E4F1: variants seen among roughly 807,000 people sequenced by gnomAD.
The protein encoded by E4F1 is transcription factor E4F1.
Under a neutral mutation model 72.9 loss-of-function variants are expected in E4F1, and 30 were observed. That is an observed-to-expected ratio of 0.41 (90% CI 0.31 to 0.56). The LOEUF (loss-of-function observed/expected upper bound fraction) is 0.56. Among genes scored for constraint, E4F1 ranks in the 20% least tolerant of loss-of-function variants. The probability of loss-of-function intolerance (pLI) is 0.25; values close to 1 mark genes in which losing one functional copy is unlikely to be tolerated. For missense variants in E4F1, 1,091 were observed against 1,117.5 expected (o/e 0.98, Z 0.34); for synonymous variants, 542 against 478.2 (o/e 1.13, Z -1.74).
chr16:2,234,989 G>A lies in E4F1; in HGVS notation c.1923G>A (p.Glu641=), dbSNP rs750543799. 5 of 1,610,010 alleles carry A rather than the reference G, an allele frequency of 3.1e-6. No individual in the cohort carries two copies. Among genetic ancestry groups the A allele is most frequent in the Non-Finnish European group, 3.4e-6 (4 of 1,178,722 alleles). The change falls in exon 12 of 14, where the codon GAG becomes GAA. Residue 641 remains glutamate, a synonymous_variant. Transcript: ENST00000301727. The part of the protein sequence containing the change: ...EFSSVVADTQ[E]YIIEATADDA... ...CGTCCGTGGTAGCTGACACCCAGGAGTATATCATCGAGGTGGGTGTGGGGC... is the reference window on the plus strand; with the variant it reads ...CGTCCGTGGTAGCTGACACCCAGGAATATATCATCGAGGTGGGTGTGGGGC...
intron 3 of E4F1, chr16:2,231,216 T>C (rs1032788011): frequency 5.3e-5 from 8 of 152,250 alleles, no homozygotes; most frequent in Admixed American, 3.9e-4. Flanking sequence ...GGTGCAGGGG[T>C]GCGGTCAGCT....
chr16:2,235,389 C>CA lies in E4F1; in HGVS notation c.2173dup (p.Met725AsnfsTer23). On this transcript the variant is annotated frameshift_variant, in exon 14 of 14. Transcript: ENST00000301727. LOFTEE classifies it high-confidence loss of function. ...CCGAGAGCCTGACAGAGCAGGTGGC[C>CA]ATGACGCTGGCCTCGGCCATCAGCG... 1 of 1,611,238 alleles carries CA rather than the reference C, an allele frequency of 6.2e-7. No individual in the cohort carries two copies. The highest frequency in any genetic ancestry group is 2.2e-5 in the East Asian group (1 of 44,878).
At position 2,228,329 on chromosome 16, in the gene E4F1, G is replaced by A. The variant is rs767715963; in HGVS notation, c.158-43G>A. The A allele has an allele frequency of 3.1e-6, 5 of 1,612,080 alleles. No individual in the cohort carries two copies. The South Asian group carries it at 4.4e-5, about 14-fold the overall frequency. On this transcript the variant is annotated intron_variant, in intron 1 of 13. Coordinates refer to ENST00000301727, the MANE Select transcript of E4F1 (RefSeq NM_004424.5). ...AGCCAGACGGAGCCCTGGCTGCCCA[G>A]CCTCCGCCTTCCCAGGCCCTGCTGA... is the stretch of plus-strand genomic sequence containing the variant.
chr16:2,233,292 G>A, intron 7 of E4F1, 109 bp downstream of exon 7: 1 of 1,476,018 alleles, frequency 6.8e-7, no homozygotes, highest in Non-Finnish European at 9.0e-7. Context: ...GGCGAGGGCT[G>A]GGCTTCCCAC....
At position 2,233,232 on chromosome 16, in the gene E4F1, C is replaced by T. The variant is rs756713317; in HGVS notation, c.1056+49C>T. On this transcript the variant is annotated intron_variant, in intron 7 of 13. Coordinates refer to ENST00000301727, the MANE Select transcript of E4F1 (RefSeq NM_004424.5). ...AGGGCTGCTCTGTCTTCTGCCTGCTCGGTGCCAGTCTTTGTTCTGGGCACT... is the reference window on the plus strand; with the variant it reads ...AGGGCTGCTCTGTCTTCTGCCTGCTTGGTGCCAGTCTTTGTTCTGGGCACT... 6.2e-5 allele frequency: 96 copies of T among 1,547,492 alleles called. No individual in the cohort carries two copies. The Admixed American group carries it at 1.1e-3, about 17-fold the overall frequency.
intron 3 of E4F1, 43 bp from the exon 4 acceptor site, chr16:2,232,128 A>T: frequency 6.2e-7 from 1 of 1,600,550 alleles, no homozygotes; most frequent in Non-Finnish European, 8.5e-7. Flanking sequence ...GGGTCTCTGG[A>T]CAGGGGCAGG....
chr16:2,228,384 T>C lies in E4F1; in HGVS notation c.170T>C (p.Val57Ala). Residue 57 changes from valine (V) to alanine (A), a missense_variant, in exon 2 of 14, where the codon GTG becomes GCG. By Grantham distance (64) the Val-to-Ala change is moderately conservative. This residue lies in a region of E4F1 where 362 missense variants were observed against 358.6 expected (regional missense o/e 1.01). Transcript: ENST00000301727. ...APFSEEDEDDVHRCGRCQAEF... is the reference protein window; with the variant it reads ...APFSEEDEDDAHRCGRCQAEF... ...AGGCTCGTTGCAGATGAGGACGATG[T>C]GCACAGATGCGGCCGCTGCCAGGCA... is the stretch of plus-strand genomic sequence containing the variant. 3 of 1,613,814 alleles carry C rather than the reference T, an allele frequency of 1.9e-6. No homozygotes were observed. The highest frequency in any genetic ancestry group is 2.5e-6 in the Non-Finnish European group (3 of 1,180,026).
rs1399480904 is a variant in E4F1, at chr16:2,223,692, G to A, written c.79G>A (p.Glu27Lys). 6.3e-7 allele frequency: 1 copy of A among 1,576,050 alleles called. No homozygotes were observed. The highest frequency in any genetic ancestry group is 8.5e-7 in the Non-Finnish European group (1 of 1,169,684). Reference sequence around the variant, plus strand: ...GGCCGAAGCCGGGCGGGAAGCGGGCGAGGGTGCAGTTGCGGCGGTGGCGGC... The same window carrying A: ...GGCCGAAGCCGGGCGGGAAGCGGGCAAGGGTGCAGTTGCGGCGGTGGCGGC... ...AQAEAGREAG[E>K]GAVAAVAAAL... is the part of the protein sequence containing the mutation. The change falls in exon 1 of 14, where the codon GAG becomes AAG. Residue 27 changes from glutamate to lysine, a missense_variant. Physicochemically the swap from Glu to Lys is moderately conservative, Grantham distance 56 (BLOSUM62 1). Around this residue, in one of 5 missense-constraint regions of E4F1, gnomAD observed 362 missense variants for 358.6 expected, o/e 1.01. Transcript: ENST00000301727.
chr16:2,228,702 G>A lies in E4F1; in HGVS notation c.309+179G>A, dbSNP rs146861908. Among the ~76,000 whole-genome samples, 1,055 of 152,326 alleles carry A rather than the reference G, an allele frequency of 6.9e-3. 12 individuals carry two copies. Among genetic ancestry groups the A allele is most frequent in the African/African-American group, 0.024 (984 of 41,572 alleles). On this transcript the variant is annotated intron_variant, in intron 2 of 13. Transcript: ENST00000301727. ...GTGTGAGCCTGTGGTGCTCTGGGGCGTCCTGGAGGGCCTGCGGTGGCCCAG... is the reference window on the plus strand; with the variant it reads ...GTGTGAGCCTGTGGTGCTCTGGGGCATCCTGGAGGGCCTGCGGTGGCCCAG...
chr16:2,227,966 A>G (rs949098020), intron 1 of E4F1, among the ~76,000 whole-genome samples: 4 of 151,334 alleles, frequency 2.6e-5, no homozygotes, highest in African/African-American at 9.7e-5. Flanking sequence ...GCCCGGCCCC[A>G]GCAGTCTTAA....
chr16:2,233,256 C>T (rs1176140971), intron 7 of E4F1, 73 bp downstream of exon 7: 3 of 1,527,166 alleles, frequency 2.0e-6, no homozygotes, highest in Admixed American at 2.0e-5. Context: ...GTTCTGGGCA[C>T]TGGCTCCAGG....
chr16:2,223,930 G>T, intron 1 of E4F1, 160 bp downstream of exon 1: 1 of 1,529,568 alleles, frequency 6.5e-7, no homozygotes, highest in Non-Finnish European at 8.7e-7. Context: ...AAACCCCCAG[G>T]TTTGCTGCGA....
intron 1 of E4F1, among the ~76,000 whole-genome samples, chr16:2,228,056 C>T (rs1250174851): frequency 3.3e-5 from 5 of 152,202 alleles, no homozygotes; most frequent in Non-Finnish European, 7.3e-5. Context: ...TCTCGCCTGT[C>T]AGTCGCTGAG....
chr16:2,229,767 C>A, intron 3 of E4F1, 92 bp downstream of exon 3: 2 of 1,394,910 alleles, frequency 1.4e-6, no homozygotes, highest in South Asian at 2.4e-5. Flanking sequence ...TCGTCTCTCC[C>A]GAGACCAGGG....
rs765107376 is a variant in E4F1 at position 2,235,073 on chromosome 16, C to A, written c.1936-8C>A. 1.2e-6 allele frequency: 2 copies of A among 1,612,486 alleles called. No homozygotes were observed. The highest frequency in any genetic ancestry group is 2.2e-5 in the South Asian group (2 of 91,068). On this transcript the variant is annotated splice_polypyrimidine_tract_variant and splice_region_variant and intron_variant, in intron 12 of 13. Transcript: ENST00000301727. ...GGCTGACCTCTGTCCTTCTGCCCATCTGCCCAGGCCACTGCGGACGATGCG... is the reference window on the plus strand; with the variant it reads ...GGCTGACCTCTGTCCTTCTGCCCATATGCCCAGGCCACTGCGGACGATGCG...
At chr16:2,224,778 G>C (rs537442534) in intron 1 of E4F1, among the ~76,000 whole-genome samples, 7 of 151,516 alleles carry the variant, frequency 4.6e-5, no homozygotes, top group Admixed American at 4.6e-4. Flanking sequence ...GCCGGACTCC[G>C]TCTCAAAAGA....
At chr16:2,234,540 G>C (rs746895780) in intron 10 of E4F1, 43 bp from the exon 11 acceptor site, 4 of 1,556,452 alleles carry the variant, frequency 2.6e-6, no homozygotes, top group Non-Finnish European at 3.5e-6. Flanking sequence ...GCTGTAGTCT[G>C]TTGTGGCCAA....
At position 2,229,694 on chromosome 16, in the gene E4F1, A is replaced by G. The variant is rs1489401034; in HGVS notation, c.415+19A>G. Reference sequence around the variant, plus strand: ...CTTGTTGGTAAGCCGACTTCCATGAATCGCTGGCCTGATAGACCTTCGTGG... The same window carrying G: ...CTTGTTGGTAAGCCGACTTCCATGAGTCGCTGGCCTGATAGACCTTCGTGG... On this transcript the variant is annotated intron_variant, in intron 3 of 13. Coordinates refer to ENST00000301727, the MANE Select transcript of E4F1 (RefSeq NM_004424.5). 6.2e-7 allele frequency: 1 copy of G among 1,611,592 alleles called. No homozygotes were observed. The highest frequency in any genetic ancestry group is 8.5e-7 in the Non-Finnish European group (1 of 1,179,416).
rs921147890 is a variant in E4F1 at position 2,232,254 on chromosome 16, C to T, written c.499C>T (p.Arg167Cys). ...GATGGCCGAGGCCCCGGGCAGCCCCCGCCAGCAGGGGCTGGGGCTCGCAGG... is the reference window on the plus strand; with the variant it reads ...GATGGCCGAGGCCCCGGGCAGCCCCTGCCAGCAGGGGCTGGGGCTCGCAGG... Reference protein sequence around the residue: ...GEMAEAPGSPRQQGLGLAGEG... With the variant: ...GEMAEAPGSPCQQGLGLAGEG... Residue 167 changes from arginine (R) to cysteine (C), a missense_variant, in exon 4 of 14, where the codon CGC (arginine) becomes TGC (cysteine). This residue lies in a region of E4F1 where 362 missense variants were observed against 358.6 expected (regional missense o/e 1.01). Coordinates refer to ENST00000301727, the MANE Select transcript of E4F1 (RefSeq NM_004424.5). 5 of 1,612,618 alleles carry T rather than the reference C, an allele frequency of 3.1e-6. No individual in the cohort carries two copies. Among genetic ancestry groups the T allele is most frequent in the South Asian group, 1.1e-5 (1 of 91,050 alleles).
Sources: gnomAD v4.1 joint callset for allele counts (sites outside exome capture counted in the v4.1 genomes callset) on GRCh38, gnomAD v4.1.1 for gene constraint, gnomAD v4.1.1 regional missense constraint, MANE v1.5 for transcripts, NCBI Gene and HGNC (gene_info 2026-07-23, HGNC 2026-07-21) for gene names.